ADGRE2: variants seen among roughly 807,000 people sequenced by gnomAD.
The protein encoded by ADGRE2 is CD97 antigen.
Under a neutral mutation model 100.8 loss-of-function variants are expected in ADGRE2, and 83 were observed. The observed-to-expected ratio is 0.82, with a 90% CI of 0.69 to 0.99. The LOEUF (loss-of-function observed/expected upper bound fraction) is 0.99. Among genes scored for constraint, ADGRE2 ranks in the 50% least tolerant of loss-of-function variants. The pLI is 0.00. For synonymous variants in ADGRE2, 355 were observed against 413.0 expected (o/e 0.86, Z 1.70); for missense variants, 814 against 1,035.7 (o/e 0.79, Z 2.94).
At chr19:14,775,964 G>A (rs2044422455) in intron 2 of ADGRE2, among the ~76,000 whole-genome samples, 1 of 151,274 alleles carries the variant, frequency 6.6e-6, no homozygotes, top group Non-Finnish European at 1.5e-5. Flanking sequence ...CACAACCGCC[G>A]CCAGCCCTGG....
intron 20 of ADGRE2, among the ~76,000 whole-genome samples, chr19:14,742,303 C>T (rs2042955489): frequency 6.6e-6 from 1 of 152,196 alleles, no homozygotes; most frequent in Non-Finnish European, 1.5e-5. Flanking sequence ...ACAATCATAG[C>T]TCACTGCAGC....
chr19:14,746,373 C>CT (rs779423548), intron 17 of ADGRE2, 50 bp from the exon 18 acceptor site: 3 of 940,960 alleles, frequency 3.2e-6, no homozygotes, highest in Admixed American at 2.2e-5. Context: ...AACCTGTTAT[C>CT]TCTTTTTTTT....
chr19:14,765,396 G>T lies in ADGRE2; in HGVS notation c.830C>A (p.Thr277Lys), dbSNP rs757107458. 4.2e-5 allele frequency: 67 copies of T among 1,614,072 alleles called. 1 individual carries two copies. The Middle Eastern group carries it at 3.3e-3, about 79-fold the overall frequency. The part of the protein sequence containing the change: ...WTPPPGVHSQ[T>K]LSRFFDKVQD... ...GACTTTGTCGAAGAATCGGGAAAGCGTCTGCAGAGAGAGGAGATGTGGGGG... is the reference window on the plus strand; with the variant it reads ...GACTTTGTCGAAGAATCGGGAAAGCTTCTGCAGAGAGAGGAGATGTGGGGG... The change falls in exon 10 of 21, where the codon ACG becomes AAG. Residue 277 changes from threonine to lysine, a missense_variant and splice_region_variant. Coordinates refer to ENST00000315576, the MANE Select transcript of ADGRE2 (RefSeq NM_013447.4).
chr19:14,777,503 A>T (rs955552133), intron 1 of ADGRE2, among the ~76,000 whole-genome samples: 16 of 151,878 alleles, frequency 1.1e-4, no homozygotes, highest in African/African-American at 3.4e-4. Context: ...TAATTAATTA[A>T]ATTTTTTAGA....
At chr19:14,725,114 G>A in the ADGRE2 span, among the ~76,000 whole-genome samples, 2 of 152,194 alleles carry the variant, frequency 1.3e-5, no homozygotes, top group East Asian at 3.8e-4. Flanking sequence ...ATGGCAAAAA[G>A]TGAAGCAGGA....
At chr19:14,741,593 C>T (rs1599786521) in intron 20 of ADGRE2, 1 of 150,994 alleles carries the variant, frequency 6.6e-6, no homozygotes, top group African/African-American at 2.5e-5. Context: ...TCTCCTGCCA[C>T]AGCCTCCCGA....
chr19:14,776,904 C>T lies in ADGRE2; in HGVS notation c.-148G>A, dbSNP rs982279028. On this transcript the variant is annotated 5_prime_UTR_variant, in exon 2 of 21. Transcript: ENST00000315576. ...GGGGCGGACAGCCGCTGGCCCAGGG[C>T]CCTCCCCGGAACTGGCGGTGCAGCT... 1.1e-5 allele frequency: 17 copies of T among 1,503,230 alleles called. No individual in the cohort carries two copies. In the South Asian group the frequency reaches 1.5e-4, roughly 13 times the overall value. The allele number at this position is 1,503,230 out of a possible 1,614,324, so 93.1% of individuals were successfully genotyped here. A position where few individuals can be genotyped will look rare whatever the true frequency, so the allele number is the denominator to read the frequency against.
At chr19:14,759,072 A>T (rs2043606628) in intron 11 of ADGRE2, among the ~76,000 whole-genome samples, 1 of 152,100 alleles carries the variant, frequency 6.6e-6, no homozygotes, top group African/African-American at 2.4e-5. Context: ...CAGCATGAAG[A>T]AACTGGCTGC....
chr19:14,725,320 AC>A, the ADGRE2 span, among the ~76,000 whole-genome samples: 1 of 152,230 alleles, frequency 6.6e-6, no homozygotes, highest in Admixed American at 6.5e-5. Context: ...ATTGGGGATT[AC>A]ATTTCAACAA....
At chr19:14,745,668 G>C (rs1042669479) in intron 18 of ADGRE2, among the ~76,000 whole-genome samples, 15 of 150,554 alleles carry the variant, frequency 1.0e-4, no homozygotes, top group African/African-American at 3.7e-4. Flanking sequence ...GCAGTGGTGT[G>C]ATCTCGGCTC....
chr19:14,765,957 A>G (rs1260006230), intron 7 of ADGRE2, 153 bp from the exon 8 acceptor site: 1 of 965,566 alleles, frequency 1.0e-6, no homozygotes, highest in African/African-American at 1.6e-5. Context: ...TGGGCACAGC[A>G]GGTGGGCCCC....
rs71166800 is a variant in ADGRE2 at position 14,776,976 on chromosome 19, G to GCGCACACACACACACACACACACACA, written c.-171-50_-171-49insTGTGTGTGTGTGTGTGTGTGTGTGCG. 4.5e-5 allele frequency: 46 copies of GCGCACACACACACACACACACACACA among 1,026,210 alleles called. No homozygotes were observed. The African/African-American group carries it at 6.5e-4, about 15-fold the overall frequency. The allele number at this position is 1,026,210 out of a possible 1,614,324, so 63.6% of individuals were successfully genotyped here. A position where few individuals can be genotyped will look rare whatever the true frequency, so the allele number is the denominator to read the frequency against. ...ATAAAAACACAGAACCAGGGGCGCT[G>GCGCACACACACACACACACACACACA]CACACACACACACACACACACACAC... On this transcript the variant is annotated intron_variant, in intron 1 of 20. Coordinates refer to ENST00000315576, the MANE Select transcript of ADGRE2 (RefSeq NM_013447.4).
chr19:14,743,967 C>T (rs10221525), intron 18 of ADGRE2, among the ~76,000 whole-genome samples, 183 bp from the exon 19 acceptor site: 14,826 of 152,170 alleles, frequency 0.097, 2,464 homozygotes, highest in African/African-American at 0.34. Context: ...GGGTTGGCCA[C>T]GGTGGCTCAT....
intron 5 of ADGRE2, among the ~76,000 whole-genome samples, chr19:14,770,660 C>CTTTTT (rs1568623051): frequency 3.5e-4 from 9 of 26,002 alleles, no homozygotes; most frequent in African/African-American, 1.6e-3. Flanking sequence ...CTTTTTGTTT[C>CTTTTT]TTTCTTTTCT....
Position 14,764,552 on chromosome 19 carries a change from G to C in ADGRE2, c.965C>G (p.Pro322Arg). 6.2e-7 allele frequency: 1 copy of C among 1,612,930 alleles called. No homozygotes were observed. Among genetic ancestry groups the C allele is most frequent in the Non-Finnish European group, 8.5e-7 (1 of 1,179,944 alleles). Reference sequence around the variant, plus strand: ...GGCCACACAGTGCTGCTGTAAGCGGGGCAGGGTCTCCAGGTCCCCAGGGGC... The same window carrying C: ...GGCCACACAGTGCTGCTGTAAGCGGCGCAGGGTCTCCAGGTCCCCAGGGGC... ...LEAPGDLETL[P>R]RLQQHCVASH... is the part of the protein sequence containing the mutation. The change falls in exon 11 of 21, where the codon CCC (proline) becomes CGC (arginine). Residue 322 changes from proline to arginine, a missense_variant. Transcript: ENST00000315576.
rs1568588871 is a variant in ADGRE2, at chr19:14,749,299, G to GCTTATATAATTATATA, written c.2024+2136_2024+2137insTATATAATTATATAAG. The stretch of plus-strand genomic sequence containing the variant: ...TATAATTATGCTTATATAATTATAT[G>GCTTATATAATTATATA]TAATTATATATGATATATACATATA... On this transcript the variant is annotated intron_variant, in intron 16 of 20. Transcript: ENST00000315576. Among the ~76,000 whole-genome samples, 17 of 104,802 alleles carry GCTTATATAATTATATA rather than the reference G, an allele frequency of 1.6e-4. No individual in the cohort carries two copies. The South Asian group carries it at 3.7e-3, about 23-fold the overall frequency. 68.8% of individuals were successfully genotyped at this position (104,802 alleles called of 152,430 possible).
intron 7 of ADGRE2, 89 bp downstream of exon 7, chr19:14,766,146 C>A (rs756840928): frequency 6.3e-7 from 1 of 1,598,396 alleles, no homozygotes; most frequent in African/African-American, 1.3e-5. Flanking sequence ...GCGCCTCCAG[C>A]GCTCATTCTG....
chr19:14,776,704 A>C, intron 2 of ADGRE2, 22 bp downstream of exon 2: 1 of 1,609,762 alleles, frequency 6.2e-7, no homozygotes, highest in Non-Finnish European at 8.5e-7. Flanking sequence ...TACCACCCCC[A>C]GCGGGGCCCC....
At chr19:14,770,692 T>TTTG in intron 5 of ADGRE2, among the ~76,000 whole-genome samples, 1 of 138,344 alleles carries the variant, frequency 7.2e-6, no homozygotes, top group Non-Finnish European at 1.6e-5. Flanking sequence ...TTTTTTTTTT[T>TTTG]TTTTTGAGAC....
Sources: allele counts gnomAD v4.1 joint callset (sites outside exome capture counted in the v4.1 genomes callset), GRCh38; gene constraint gnomAD v4.1.1; transcripts MANE v1.5; gene names NCBI Gene and HGNC (gene_info 2026-07-23, HGNC 2026-07-21).